Variants in DSN1 observed in about 807,000 individuals in gnomAD.
The protein encoded by DSN1 is kinetochore-associated protein DSN1 homolog.
A neutral mutation model predicts 45.7 loss-of-function variants in DSN1; 31 were observed. The observed-to-expected ratio is 0.68, with a 90% CI of 0.51 to 0.92. The LOEUF is 0.92. Among genes scored for constraint, DSN1 ranks in the 40% least tolerant of loss-of-function variants. DSN1 has a pLI of 0.00. For synonymous variants in DSN1, 134 were observed against 142.3 expected (o/e 0.94, Z 0.41); for missense variants, 394 against 414.2 (o/e 0.95, Z 0.42).
chr20:36,763,537 T>C (rs1316599887), intron 5 of DSN1, among the ~76,000 whole-genome samples: 2 of 151,110 alleles, frequency 1.3e-5, no homozygotes, highest in Non-Finnish European at 2.9e-5. Flanking sequence ...CTTAGGAGGA[T>C]TGCTTGAGCC....
chr20:36,755,978 G>A, intron 8 of DSN1, 149 bp from the exon 9 acceptor site: 1 of 896,504 alleles, frequency 1.1e-6, no homozygotes, highest in Non-Finnish European at 1.6e-6. Context: ...TTTTTTGTTT[G>A]TTTGTTTGTT....
At chr20:36,761,610 C>T (rs887274790) in intron 6 of DSN1, among the ~76,000 whole-genome samples, 4 of 152,210 alleles carry the variant, frequency 2.6e-5, no homozygotes, top group Admixed American at 2.0e-4. Context: ...CCTGTAATCC[C>T]AGCACTTTGG....
rs776354059 is a variant in DSN1, at chr20:36,762,455, T to C, written c.590+6A>G. ...TAATTTAGGACAGAAGGGGAACTGCTCTTACCCATTTGAATCTTCAAAACA... is the reference window on the plus strand; with the variant it reads ...TAATTTAGGACAGAAGGGGAACTGCCCTTACCCATTTGAATCTTCAAAACA... On this transcript the variant is annotated splice_donor_region_variant and intron_variant, in intron 6 of 10. Transcript: ENST00000373750. The C allele has an allele frequency of 6.2e-7, 1 of 1,612,778 alleles. No homozygotes were observed. Among genetic ancestry groups the C allele is most frequent in the Non-Finnish European group, 8.5e-7 (1 of 1,179,320 alleles).
intron 5 of DSN1, among the ~76,000 whole-genome samples, chr20:36,764,392 A>G (rs74656291): frequency 2.4e-4 from 37 of 152,280 alleles, no homozygotes; most frequent in African/African-American, 8.7e-4. Context: ...ATTCTGAGAT[A>G]AACAATTTTA....
chr20:36,754,448 T>G (rs1010509208), intron 10 of DSN1, among the ~76,000 whole-genome samples: 1 of 152,172 alleles, frequency 6.6e-6, no homozygotes, highest in African/African-American at 2.4e-5. Context: ...AATGTCAGTG[T>G]CACTTAGTGA....
chr20:36,762,515 G>C lies in DSN1; in HGVS notation c.536C>G (p.Ala179Gly). ...AGTTCCATCAGTTTCCAGTCCGTCT[G>C]CAAAATGTTTCAATTCTTCAGAAAG... ...SSLSEELKHF[A>G]DGLETDGTLQ... The change falls in exon 6 of 11, where the codon GCA becomes GGA. Residue 179 changes from alanine to glycine, a missense_variant. By Grantham distance (60) the Ala-to-Gly change is moderately conservative. Transcript: ENST00000373750. 1 of 1,613,678 alleles carries C rather than the reference G, an allele frequency of 6.2e-7. No homozygotes were observed. Among genetic ancestry groups the C allele is most frequent in the South Asian group, 1.1e-5 (1 of 91,040 alleles).
chr20:36,763,537 T>G (rs1316599887), intron 5 of DSN1, among the ~76,000 whole-genome samples: 1 of 151,110 alleles, frequency 6.6e-6, no homozygotes, highest in Non-Finnish European at 1.5e-5. Flanking sequence ...CTTAGGAGGA[T>G]TGCTTGAGCC....
intron 5 of DSN1, among the ~76,000 whole-genome samples, chr20:36,765,586 G>A (rs1242552286): frequency 6.6e-6 from 1 of 151,768 alleles, no homozygotes; most frequent in Non-Finnish European, 1.5e-5. Context: ...GGAGGCAGGC[G>A]GATCATGAGG....
intron 1 of DSN1, 126 bp downstream of exon 1, chr20:36,773,536 G>T: frequency 1.0e-6 from 1 of 986,076 alleles, no homozygotes; most frequent in South Asian, 4.6e-5. Context: ...TCGGGGCCGG[G>T]GCTGCGGCGG....
At chr20:36,770,515 G>A (rs985504262) in intron 3 of DSN1, among the ~76,000 whole-genome samples, 5 of 152,328 alleles carry the variant, frequency 3.3e-5, no homozygotes, top group Non-Finnish European at 7.3e-5. Flanking sequence ...CACCCTAGCA[G>A]AGGTGAGTAT....
rs554034542 is a variant in DSN1, at chr20:36,773,371, C to G, written c.-16+291G>C. On this transcript the variant is annotated intron_variant, in intron 1 of 10. Transcript: ENST00000373750. Reference sequence around the variant, plus strand: ...TGGGGGCACAGGGGCAATTCGAACCCCAGCCCTCTACCCAGTCCTCACCCC... The same window carrying G: ...TGGGGGCACAGGGGCAATTCGAACCGCAGCCCTCTACCCAGTCCTCACCCC... 1.7e-4 allele frequency: 163 copies of G among 985,516 alleles called. 1 individual carries two copies. The South Asian group carries it at 6.6e-3, about 40-fold the overall frequency. 61.0% of individuals were successfully genotyped at this position (985,516 alleles called of 1,614,324 possible).
At chr20:36,753,978 C>T (rs1245350253) in intron 10 of DSN1, among the ~76,000 whole-genome samples, 1 of 151,412 alleles carries the variant, frequency 6.6e-6, no homozygotes, top group Non-Finnish European at 1.5e-5. Context: ...TGCACTCTAG[C>T]CTGGGCAACA....
At chr20:36,755,925 C>T in intron 8 of DSN1, 96 bp from the exon 9 acceptor site, 1 of 1,387,708 alleles carries the variant, frequency 7.2e-7, no homozygotes, top group African/African-American at 1.4e-5. Context: ...AGTATTCCTC[C>T]ACTCTACGCT....
intron 8 of DSN1, among the ~76,000 whole-genome samples, chr20:36,757,698 A>G (rs768978019): frequency 1.3e-5 from 2 of 152,212 alleles, no homozygotes; most frequent in Non-Finnish European, 2.9e-5. Flanking sequence ...TCTGTCTCCA[A>G]GAAGGCCCTG....
chr20:36,771,623 C>G (rs1987657509), intron 1 of DSN1, 150 bp from the exon 2 acceptor site: 2 of 636,990 alleles, frequency 3.1e-6, no homozygotes, highest in Non-Finnish European at 5.5e-6. Context: ...TCAGCAGGGG[C>G]CATCACCTCC....
intron 3 of DSN1, among the ~76,000 whole-genome samples, chr20:36,770,602 T>C (rs1343410753): frequency 1.3e-5 from 2 of 152,222 alleles, no homozygotes; most frequent in Non-Finnish European, 2.9e-5. Context: ...CTCACGCCTG[T>C]AGTCCCAGCT....
rs1987772534 is a variant in DSN1, at chr20:36,773,730, G to C, written c.-84C>G. ...CTCCTGGACGCCTTGCGCACCCGCA[G>C]CCGATACTCCCTGATCAGGGTGAAG... On this transcript the variant is annotated 5_prime_UTR_variant, in exon 1 of 11. Transcript: ENST00000373750. The C allele has an allele frequency of 4.1e-6, 4 of 985,588 alleles. No homozygotes were observed. The highest frequency in any genetic ancestry group is 4.8e-6 in the Non-Finnish European group (4 of 830,016). The allele number at this position is 985,588 out of a possible 1,614,324, so 61.1% of individuals were successfully genotyped here. A position where few individuals can be genotyped will look rare whatever the true frequency, so the allele number is the denominator to read the frequency against.
At chr20:36,758,183 G>T in intron 7 of DSN1, 22 bp from the exon 8 acceptor site, 5 of 1,605,538 alleles carry the variant, frequency 3.1e-6, no homozygotes, top group Non-Finnish European at 4.3e-6. Context: ...AGGAAAAAAA[G>T]TTCAGTTAAT....
At chr20:36,763,201 T>C (rs1012453447) in intron 5 of DSN1, among the ~76,000 whole-genome samples, 16 of 151,096 alleles carry the variant, frequency 1.1e-4, no homozygotes, top group Admixed American at 9.9e-4. Flanking sequence ...GTCAGGAGTT[T>C]GAGACCAGCC....
Sources: gnomAD v4.1 joint callset for allele counts (sites outside exome capture counted in the v4.1 genomes callset) on GRCh38, gnomAD v4.1.1 for gene constraint, MANE v1.5 for transcripts, NCBI Gene and HGNC (gene_info 2026-07-23, HGNC 2026-07-21) for gene names.